Variants in TECTB observed in about 807,000 individuals in gnomAD.
The protein encoded by TECTB is beta-tectorin.
TECTB carries 45 observed loss-of-function variants against 43.3 expected under a neutral mutation model. That is an observed-to-expected ratio of 1.04 (90% CI 0.82 to 1.33). The LOEUF (loss-of-function observed/expected upper bound fraction) is 1.33. Ranked by LOEUF, TECTB falls within the 40% of genes most tolerant of loss-of-function variation. The probability of loss-of-function intolerance (pLI) is 0.00; values close to 1 mark genes in which losing one functional copy is unlikely to be tolerated. For missense variants in TECTB, 399 were observed against 404.7 expected (o/e 0.99, Z 0.12); for synonymous variants, 169 against 156.7 (o/e 1.08, Z -0.59).
intron 5 of TECTB, among the ~76,000 whole-genome samples, chr10:112,288,868 A>C (rs953376628): frequency 3.3e-5 from 5 of 152,158 alleles, no homozygotes; most frequent in Admixed American, 6.5e-5. Context: ...ATTCCTAGTG[A>C]AAAGTTATTT....
At chr10:112,289,851 C>T (rs1848483328) in intron 5 of TECTB, among the ~76,000 whole-genome samples, 1 of 152,098 alleles carries the variant, frequency 6.6e-6, no homozygotes, top group African/African-American at 2.4e-5. Context: ...AGGAAAATAA[C>T]TTTAGGGCAG....
Position 112,283,799 on chromosome 10 carries a change from CA to C in TECTB, c.68del (p.Asn23IlefsTer50). 1 of 1,613,782 alleles carries C rather than the reference CA, an allele frequency of 6.2e-7. No homozygotes were observed. The highest frequency in any genetic ancestry group is 8.5e-7 in the Non-Finnish European group (1 of 1,179,858). On this transcript the variant is annotated frameshift_variant, in exon 2 of 11. Transcript: ENST00000646139. LOFTEE classifies it high-confidence loss of function. ...GAAGCCTCTGCAAAATCGTGTGCTC[CA>C]AATAAAGCAGGTATGTCCTCGCCAA... ...FAEASAKSCAPNKADVILVFC... is the reference protein window; with the variant it reads ...FAEASAKSCAXNKADVILVFC...
chr10:112,297,217 T>C (rs1163918813), intron 7 of TECTB, among the ~76,000 whole-genome samples: 1 of 152,102 alleles, frequency 6.6e-6, no homozygotes, highest in East Asian at 1.9e-4. Context: ...GCAGCCCTGG[T>C]CTCCGCCCAC....
intron 7 of TECTB, among the ~76,000 whole-genome samples, chr10:112,295,301 A>T (rs1165796440): frequency 6.6e-6 from 1 of 152,262 alleles, no homozygotes; most frequent in Non-Finnish European, 1.5e-5. Context: ...ACACTTATAC[A>T]GCTCTTACAA....
rs115288910 is a variant in TECTB at position 112,288,888 on chromosome 10, A to G, written c.483+2497A>G. On this transcript the variant is annotated intron_variant, in intron 5 of 10. Coordinates refer to ENST00000646139, the MANE Select transcript of TECTB (RefSeq NM_058222.3). ...TAGTGAAAAGTTATTTTGACCCTCA[A>G]TACAAAATAAGGAAGGTAGTTGGCT... is the stretch of plus-strand genomic sequence containing the variant. Among the ~76,000 whole-genome samples, 1,231 of 152,280 alleles carry G rather than the reference A, an allele frequency of 8.1e-3. 16 individuals are homozygous for G. Among genetic ancestry groups the G allele is most frequent in the African/African-American group, 0.028 (1,147 of 41,552 alleles).
Position 112,300,854 on chromosome 10 carries a change from G to C in TECTB, c.908-1247G>C, listed in dbSNP as rs547430021. On this transcript the variant is annotated intron_variant, in intron 9 of 10. Coordinates refer to ENST00000646139, the MANE Select transcript of TECTB (RefSeq NM_058222.3). ...GGATATTCATCCTGAATGGAGCAAAGGGATTCAACCTAGTACAGGGCTTGC... is the reference window on the plus strand; with the variant it reads ...GGATATTCATCCTGAATGGAGCAAACGGATTCAACCTAGTACAGGGCTTGC... Among the ~76,000 whole-genome samples, 5 of 152,334 alleles carry C rather than the reference G, an allele frequency of 3.3e-5. No individual in the cohort carries two copies. In the East Asian group the frequency reaches 9.6e-4, roughly 29 times the overall value.
intron 5 of TECTB, among the ~76,000 whole-genome samples, chr10:112,293,147 T>C (rs924077208): frequency 2.0e-5 from 3 of 152,266 alleles, no homozygotes; most frequent in Non-Finnish European, 4.4e-5. Flanking sequence ...CCTGCTAGAA[T>C]ATGCCAGATC....
intron 3 of TECTB, among the ~76,000 whole-genome samples, chr10:112,285,487 T>A (rs552277951): frequency 6.6e-6 from 1 of 152,288 alleles, no homozygotes; most frequent in East Asian, 1.9e-4. Context: ...ATGAGCATGA[T>A]TAACAAGACA....
rs577323229 is a variant in TECTB, at chr10:112,303,467, G to A, written c.*155G>A. 1.2e-5 allele frequency: 11 copies of A among 890,744 alleles called. No individual in the cohort carries two copies. Among genetic ancestry groups the A allele is most frequent in the Non-Finnish European group, 1.9e-5 (11 of 574,174 alleles). 55.2% of individuals were successfully genotyped at this position (890,744 alleles called of 1,614,324 possible). A position where few individuals can be genotyped will look rare whatever the true frequency, so the allele number is the denominator to read the frequency against. ...AAATATGCACTCCAATAATTTCTGT[G>A]AATTTGGTGATGCCTTTTTCTTTCT... On this transcript the variant is annotated 3_prime_UTR_variant, in exon 11 of 11. Transcript: ENST00000646139.
chr10:112,304,875 C>G lies in TECTB; in HGVS notation c.*1563C>G, dbSNP rs1276562690. On this transcript the variant is annotated 3_prime_UTR_variant, in exon 11 of 11. Coordinates refer to ENST00000646139, the MANE Select transcript of TECTB (RefSeq NM_058222.3). ...AAACAGAAGACATATTTTATTGGTT[C>G]TAGTAGAAAACTCTTAAATAGCATA... 12 of 152,098 alleles carry G rather than the reference C, an allele frequency of 7.9e-5. No individual in the cohort carries two copies. Among genetic ancestry groups the G allele is most frequent in the Admixed American group, 1.3e-4 (2 of 15,258 alleles). The allele number at this position is 152,098 out of a possible 1,614,324, so 9.4% of individuals were successfully genotyped here.
At chr10:112,302,220 C>A in intron 10 of TECTB, 87 bp downstream of exon 10, 2 of 1,543,396 alleles carry the variant, frequency 1.3e-6, no homozygotes, top group Non-Finnish European at 1.8e-6. Context: ...ACTTTGGCCC[C>A]GGCAAAACTT....
chr10:112,299,703 G>A (rs1319640069), intron 9 of TECTB, 139 bp downstream of exon 9: 2 of 846,368 alleles, frequency 2.4e-6, no homozygotes, highest in Non-Finnish European at 3.7e-6. Context: ...CCTGCTCCTG[G>A]AGTCTTCCAG....
intron 5 of TECTB, among the ~76,000 whole-genome samples, chr10:112,288,188 T>C (rs1247817657): frequency 2.6e-5 from 4 of 152,162 alleles, no homozygotes; most frequent in African/African-American, 4.8e-5. Flanking sequence ...GATAAAATTA[T>C]AGATATGATC....
At chr10:112,302,035 C>T in intron 9 of TECTB, 66 bp from the exon 10 acceptor site, 1 of 1,585,812 alleles carries the variant, frequency 6.3e-7, no homozygotes, top group South Asian at 1.1e-5. Context: ...AGAAACATCA[C>T]TCTGAGACTT....
intron 5 of TECTB, among the ~76,000 whole-genome samples, chr10:112,287,480 C>A (rs1848464352): frequency 6.6e-6 from 1 of 152,208 alleles, no homozygotes; most frequent in Admixed American, 6.5e-5. Context: ...ACATTAGAGC[C>A]AGAGGACCTG....
intron 2 of TECTB, among the ~76,000 whole-genome samples, 177 bp downstream of exon 2, chr10:112,283,987 G>A (rs1469198966): frequency 6.6e-6 from 1 of 152,082 alleles, no homozygotes; most frequent in African/African-American, 2.4e-5. Flanking sequence ...GAGCAAAGAT[G>A]TATTGGATAA....
intron 2 of TECTB, 144 bp from the exon 3 acceptor site, chr10:112,284,391 T>C: frequency 2.7e-6 from 2 of 751,850 alleles, no homozygotes; most frequent in Non-Finnish European, 1.9e-6. Flanking sequence ...GGAAAACTTT[T>C]GTCACAGCTG....
chr10:112,297,849 A>G (rs1223767738), intron 7 of TECTB, among the ~76,000 whole-genome samples: 3 of 152,154 alleles, frequency 2.0e-5, no homozygotes. Flanking sequence ...CTCCCCTCCC[A>G]TCGTACCTTG....
Position 112,294,068 on chromosome 10 carries a change from A to G in TECTB, c.671+7A>G. The G allele has an allele frequency of 1.2e-6, 2 of 1,613,158 alleles. No homozygotes were observed. Among genetic ancestry groups the G allele is most frequent in the Non-Finnish European group, 1.7e-6 (2 of 1,179,158 alleles). Reference sequence around the variant, plus strand: ...GGCAGCTGATCAACAAGGGGTAGGTACACTATCTAGAGACAGGGCTGAACA... The same window carrying G: ...GGCAGCTGATCAACAAGGGGTAGGTGCACTATCTAGAGACAGGGCTGAACA... On this transcript the variant is annotated splice_region_variant and intron_variant, in intron 7 of 10. Coordinates refer to ENST00000646139, the MANE Select transcript of TECTB (RefSeq NM_058222.3).
Sources: allele counts gnomAD v4.1 joint callset (sites outside exome capture counted in the v4.1 genomes callset), GRCh38; gene constraint gnomAD v4.1.1; transcripts MANE v1.5; gene names NCBI Gene and HGNC (gene_info 2026-07-23, HGNC 2026-07-21).